The following FIGN variants were observed in gnomAD, a reference collection of about 807,000 sequenced individuals.
FIGN encodes the protein fidgetin, microtubule severing factor.
A neutral mutation model predicts 51.3 loss-of-function variants in FIGN; 11 were observed. That is an observed-to-expected ratio of 0.21 (90% confidence interval 0.13 to 0.35). FIGN has a LOEUF of 0.35. Ranked by LOEUF, FIGN falls within the 10% of genes least tolerant of loss-of-function variation. The pLI, the probability that FIGN is intolerant of heterozygous loss-of-function variation, is 1.00. For missense variants in FIGN, 857 were observed against 943.6 expected, an observed-to-expected ratio of 0.91 and a Z score of 1.20; for synonymous variants, 407 against 363.2, an observed-to-expected ratio of 1.12 and a Z score of -1.37.
intron 2 of FIGN, among the ~76,000 whole-genome samples, chr2:163,667,006 C>A (rs1023215792): frequency 9.2e-5 from 14 of 151,588 alleles, no homozygotes; most frequent in Admixed American, 2.0e-4. Flanking sequence ...TCAATGTATA[C>A]CGTATTTATC....
At chr2:163,678,706 C>A (rs1684012365) in intron 2 of FIGN, among the ~76,000 whole-genome samples, 1 of 152,114 alleles carries the variant, frequency 6.6e-6, no homozygotes, top group Non-Finnish European at 1.5e-5. Flanking sequence ...GTAAGCATTC[C>A]ATGACAGAGA....
At chr2:163,728,397 AACACACACACACACACACAC>A (rs60526284) in intron 2 of FIGN, among the ~76,000 whole-genome samples, 2 of 141,840 alleles carry the variant, frequency 1.4e-5, no homozygotes, top group Admixed American at 7.1e-5. Context: ...CAAACCATTA[AACACACACACACACACACAC>A]ACACACACAC....
intron 2 of FIGN, among the ~76,000 whole-genome samples, chr2:163,676,440 T>TATATAG (rs1683966884): frequency 3.2e-5 from 1 of 31,060 alleles, no homozygotes; most frequent in African/African-American, 1.8e-4. Context: ...CTGGAATATA[T>TATATAG]ATATATATAT....
intron 2 of FIGN, among the ~76,000 whole-genome samples, chr2:163,671,513 T>G (rs1157149040): frequency 1.3e-5 from 2 of 152,158 alleles, no homozygotes; most frequent in African/African-American, 2.4e-5. Flanking sequence ...ATTGGTAGAT[T>G]TACAGTCATT....
At position 163,605,296 on chromosome 2, in the gene FIGN, A is replaced by G. The variant is rs1203656543; in HGVS notation, c.*4256T>C. The G allele has an allele frequency of 6.6e-6, 1 of 152,072 alleles. No homozygotes were observed. The highest frequency in any genetic ancestry group is 1.5e-5 in the Non-Finnish European group (1 of 67,994). 9.4% of individuals were successfully genotyped at this position (152,072 alleles called of 1,614,324 possible). A position where few individuals can be genotyped will look rare whatever the true frequency, so the allele number is the denominator to read the frequency against. Reference sequence around the variant, plus strand: ...CAGGTTCAAAATCGAATGTCAACCAAAGGTCTTAGCAAAGTGTGAGCTTCA... The same window carrying G: ...CAGGTTCAAAATCGAATGTCAACCAGAGGTCTTAGCAAAGTGTGAGCTTCA... On this transcript the variant is annotated 3_prime_UTR_variant, in exon 3 of 3. Coordinates refer to ENST00000333129, the MANE Select transcript of FIGN (RefSeq NM_018086.4).
intron 2 of FIGN, among the ~76,000 whole-genome samples, chr2:163,682,756 T>C (rs1324654012): frequency 6.6e-6 from 1 of 152,290 alleles, no homozygotes; most frequent in Non-Finnish European, 1.5e-5. Context: ...TCAACAAATA[T>C]TTGCTGAACA....
chr2:163,710,691 C>T (rs1684574653), intron 2 of FIGN, among the ~76,000 whole-genome samples: 1 of 152,116 alleles, frequency 6.6e-6, no homozygotes, highest in African/African-American at 2.4e-5. Flanking sequence ...TTTAACAAAA[C>T]CCACTCTTTA....
chr2:163,706,957 A>T (rs2105354184), intron 2 of FIGN, among the ~76,000 whole-genome samples: 1 of 152,340 alleles, frequency 6.6e-6, no homozygotes, highest in African/African-American at 2.4e-5. Flanking sequence ...CCATTGCAGC[A>T]TCAGTTACAT....
chr2:163,663,085 T>A (rs964899029), intron 2 of FIGN, among the ~76,000 whole-genome samples: 1 of 152,078 alleles, frequency 6.6e-6, no homozygotes, highest in African/African-American at 2.4e-5. Context: ...CTGGCTAATT[T>A]TTTTTGGTAT....
chr2:163,728,463 CA>C (rs1684875173), intron 2 of FIGN, among the ~76,000 whole-genome samples: 1 of 150,368 alleles, frequency 6.7e-6, no homozygotes, highest in Non-Finnish European at 1.5e-5. Context: ...AATACTTGAG[CA>C]AAAAGTCACA....
At chr2:163,715,812 T>A (rs1030406076) in intron 2 of FIGN, among the ~76,000 whole-genome samples, 1 of 152,208 alleles carries the variant, frequency 6.6e-6, no homozygotes, top group Non-Finnish European at 1.5e-5. Context: ...AGGCTGGGTA[T>A]GAATCTATAT....
chr2:163,660,776 C>CATATATATGTATACATAT (rs1665235751), intron 2 of FIGN, among the ~76,000 whole-genome samples: 1 of 83,926 alleles, frequency 1.2e-5, no homozygotes, highest in African/African-American at 6.2e-5. Flanking sequence ...TATGTATACA[C>CATATATATGTATACATAT]ATATACATAT....
rs1691197323 is a variant in FIGN, at chr2:163,609,932, C to T, written c.1900G>A (p.Glu634Lys). 1 of 1,613,886 alleles carries T rather than the reference C, an allele frequency of 6.2e-7. No individual in the cohort carries two copies. The highest frequency in any genetic ancestry group is 2.2e-5 in the East Asian group (1 of 44,892). ...CTCCGAAGGGATTCATCTATTTCTT[C>T]TGGTTTACTGGTGGCACAAATTACT... ...IVVICATSKP[E>K]EIDESLRRYF... is the part of the protein sequence containing the mutation. Residue 634 changes from glutamate (E) to lysine (K), a missense_variant, in exon 3 of 3, where the codon GAA (glutamate) becomes AAA (lysine). Glu to Lys is a moderately conservative substitution (Grantham distance 56). Coordinates refer to ENST00000333129, the MANE Select transcript of FIGN (RefSeq NM_018086.4).
At chr2:163,683,111 T>G (rs774711998) in intron 2 of FIGN, among the ~76,000 whole-genome samples, 2 of 152,200 alleles carry the variant, frequency 1.3e-5, no homozygotes, top group Non-Finnish European at 1.5e-5. Context: ...AGCCTGGATA[T>G]GCCTTTTGTT....
rs1243988330 is a variant in FIGN at position 163,605,394 on chromosome 2, T to G, written c.*4158A>C. 1 of 152,006 alleles carries G rather than the reference T, an allele frequency of 6.6e-6. No homozygotes were observed. Among genetic ancestry groups the G allele is most frequent in the Non-Finnish European group, 1.5e-5 (1 of 67,994 alleles). 9.4% of individuals were successfully genotyped at this position (152,006 alleles called of 1,614,324 possible). ...ATACTAATAGCTCCAGGTTTGCTAATGTGCTTCATATAAAAATCGGCAGAT... is the reference window on the plus strand; with the variant it reads ...ATACTAATAGCTCCAGGTTTGCTAAGGTGCTTCATATAAAAATCGGCAGAT... On this transcript the variant is annotated 3_prime_UTR_variant, in exon 3 of 3. Coordinates refer to ENST00000333129, the MANE Select transcript of FIGN (RefSeq NM_018086.4).
chr2:163,632,284 G>A (rs1021029677), intron 2 of FIGN, among the ~76,000 whole-genome samples: 16 of 152,178 alleles, frequency 1.1e-4, no homozygotes, highest in Non-Finnish European at 8.8e-5. Context: ...CCTGGAAAGC[G>A]TGGGTTCAAA....
chr2:163,697,348 G>A (rs12692706), intron 2 of FIGN, among the ~76,000 whole-genome samples: 84,809 of 151,660 alleles, frequency 0.56, 26,390 homozygotes, highest in Admixed American at 0.69. Context: ...TGATTCCTCC[G>A]CCTTGGCCTC....
chr2:163,620,766 T>TATGAC (rs1199305347), intron 2 of FIGN, among the ~76,000 whole-genome samples: 1 of 152,048 alleles, frequency 6.6e-6, no homozygotes, highest in Non-Finnish European at 1.5e-5. Flanking sequence ...AACCTTGAAT[T>TATGAC]ATGACATGGC....
At chr2:163,710,334 T>C (rs1193524333) in intron 2 of FIGN, among the ~76,000 whole-genome samples, 1 of 152,202 alleles carries the variant, frequency 6.6e-6, no homozygotes, top group East Asian at 1.9e-4. Context: ...AAGCTACACT[T>C]TCGTGGAAAT....
Sources: allele counts gnomAD v4.1 joint callset (sites outside exome capture counted in the v4.1 genomes callset), GRCh38; gene constraint gnomAD v4.1.1; transcripts MANE v1.5; gene names NCBI Gene and HGNC (gene_info 2026-07-23, HGNC 2026-07-21).